The following ULK4 variants were observed in gnomAD, a reference collection of about 807,000 sequenced individuals.
ULK4 encodes the protein unc-51 like kinase 4.
In ULK4, 133 loss-of-function variants were observed where a neutral mutation model predicts 160.6. The observed-to-expected ratio is 0.83, with a 90% CI of 0.72 to 0.96. The LOEUF (loss-of-function observed/expected upper bound fraction) is 0.96, where lower values mean the gene tolerates loss of function less well. ULK4 is among the 40% of genes least tolerant of loss of function. The pLI is 0.00. For missense variants in ULK4, 1,580 were observed against 1,499.5 expected (o/e 1.05, Z -0.89); for synonymous variants, 534 against 539.8 (o/e 0.99, Z 0.15).
chr3:41,591,759 T>C (rs1222319560), intron 31 of ULK4, among the ~76,000 whole-genome samples: 1 of 152,222 alleles, frequency 6.6e-6, no homozygotes, highest in Non-Finnish European at 1.5e-5. Context: ...TGGTAAATAT[T>C]TGGCCATAAG....
intron 31 of ULK4, among the ~76,000 whole-genome samples, chr3:41,582,773 T>C (rs73085063): frequency 0.023 from 3,530 of 152,372 alleles, 57 homozygotes; most frequent in Non-Finnish European, 0.034. Flanking sequence ...ACTACTCCTA[T>C]TTCTCAAGTG....
chr3:41,539,073 TTGTC>T (rs1341100589), intron 32 of ULK4, among the ~76,000 whole-genome samples: 10 of 151,596 alleles, frequency 6.6e-5, no homozygotes, highest in African/African-American at 1.7e-4. Context: ...GCTATATGGT[TTGTC>T]TGTGAGTTTT....
In ULK4 at chr3:41,450,299, T is replaced by G. The variant is rs142251960; in HGVS notation, c.3492+5198A>C. Among the ~76,000 whole-genome samples the G allele has an allele frequency of 4.4e-3, 672 of 152,296 alleles. 4 individuals are homozygous for G. Among genetic ancestry groups the G allele is most frequent in the African/African-American group, 0.016 (645 of 41,568 alleles). Reference sequence around the variant, plus strand: ...TATACTATGGTTACCAACTGAGGGTTTGAAGTTCCCCCTGAAATTGAGAAC... The same window carrying G: ...TATACTATGGTTACCAACTGAGGGTGTGAAGTTCCCCCTGAAATTGAGAAC... On this transcript the variant is annotated intron_variant, in intron 34 of 36. Coordinates refer to ENST00000301831, the MANE Select transcript of ULK4 (RefSeq NM_017886.4).
At chr3:41,845,062 T>C (rs1357405788) in intron 17 of ULK4, among the ~76,000 whole-genome samples, 2 of 150,228 alleles carry the variant, frequency 1.3e-5, no homozygotes, top group Admixed American at 1.3e-4. Context: ...GCTTCCCGGG[T>C]TCATGCCATT....
At chr3:41,886,405 AACTG>A (rs1452457336) in intron 16 of ULK4, among the ~76,000 whole-genome samples, 1 of 152,148 alleles carries the variant, frequency 6.6e-6, no homozygotes, top group Non-Finnish European at 1.5e-5. Flanking sequence ...AAAGCAAAAT[AACTG>A]AACACACTAG....
intron 8 of ULK4, among the ~76,000 whole-genome samples, chr3:41,913,356 G>T (rs1416841300): frequency 5.9e-5 from 9 of 151,796 alleles, no homozygotes; most frequent in African/African-American, 2.2e-4. Flanking sequence ...CTCCCGAGTG[G>T]CTGGGACTAC....
chr3:41,807,740 A>G (rs2040693322), intron 19 of ULK4, among the ~76,000 whole-genome samples: 1 of 152,148 alleles, frequency 6.6e-6, no homozygotes, highest in African/African-American at 2.4e-5. Flanking sequence ...ATATCCTTCA[A>G]TTTCCCAAAC....
At chr3:41,948,116 T>G (rs1278973780) in intron 2 of ULK4, among the ~76,000 whole-genome samples, 10 of 152,176 alleles carry the variant, frequency 6.6e-5, no homozygotes, top group Admixed American at 6.6e-4. Flanking sequence ...TCTCTATGTA[T>G]TTCTTGTTCC....
intron 35 of ULK4, among the ~76,000 whole-genome samples, chr3:41,366,795 T>C (rs186941881): frequency 6.6e-6 from 1 of 152,318 alleles, no homozygotes; most frequent in African/African-American, 2.4e-5. Flanking sequence ...CTTCTCTCTA[T>C]GCTGGGAGGG....
At chr3:41,323,391 AACACACACACACACACACACAC>A (rs34357899) in intron 35 of ULK4, among the ~76,000 whole-genome samples, 12 of 120,266 alleles carry the variant, frequency 1.0e-4, no homozygotes, top group Admixed American at 1.8e-4. Context: ...CCTGAACAAT[AACACACACACACACACACACAC>A]ACACACACAC....
rs527508473 is a variant in ULK4 at position 41,451,446 on chromosome 3, T to C, written c.3492+4051A>G. 2.0e-5 allele frequency among the ~76,000 whole-genome samples: 3 copies of C among 151,720 alleles called. No homozygotes were observed. The South Asian group carries it at 6.2e-4, about 32-fold the overall frequency. On this transcript the variant is annotated intron_variant, in intron 34 of 36. Transcript: ENST00000301831. ...AGCAAGCAGAGGATAAGGCTAAAAA[T>C]CAGACATAATATGTGATCAAAGGGG... is the stretch of plus-strand genomic sequence containing the variant.
chr3:41,358,155 C>A (rs909910730), intron 35 of ULK4, among the ~76,000 whole-genome samples: 7 of 152,240 alleles, frequency 4.6e-5, no homozygotes, highest in African/African-American at 1.7e-4. Flanking sequence ...GGCAAACACA[C>A]CACAATGGAG....
At chr3:41,819,559 T>C (rs1437491338) in intron 18 of ULK4, 53 bp from the exon 19 acceptor site, 9 of 1,545,076 alleles carry the variant, frequency 5.8e-6, no homozygotes, top group South Asian at 4.6e-5. Context: ...ACGAAAGATA[T>C]TAACCCATTC....
intron 32 of ULK4, among the ~76,000 whole-genome samples, chr3:41,559,824 C>T (rs1038970753): frequency 2.6e-5 from 4 of 152,040 alleles, no homozygotes; most frequent in Non-Finnish European, 5.9e-5. Flanking sequence ...TCTGTAGTTG[C>T]CTATTCACAC....
intron 21 of ULK4, among the ~76,000 whole-genome samples, chr3:41,780,805 A>C (rs546654925): frequency 2.0e-5 from 3 of 152,294 alleles, no homozygotes; most frequent in South Asian, 2.1e-4. Context: ...GCAATTTACC[A>C]ATCAGGGGCC....
At position 41,415,529 on chromosome 3, in the gene ULK4, G is replaced by A. The variant is rs115016608; in HGVS notation, c.3493-17265C>T. Among the ~76,000 whole-genome samples, 907 of 152,158 alleles carry A rather than the reference G, an allele frequency of 6.0e-3. 9 individuals carry two copies. Among genetic ancestry groups the A allele is most frequent in the African/African-American group, 0.021 (865 of 41,528 alleles). On this transcript the variant is annotated intron_variant, in intron 34 of 36. Transcript: ENST00000301831. Reference sequence around the variant, plus strand: ...CTCTAAACTTATCAAGCACGGTGCCGCTCAGGGTATTTGCATCTGCAATCT... The same window carrying A: ...CTCTAAACTTATCAAGCACGGTGCCACTCAGGGTATTTGCATCTGCAATCT...
intron 32 of ULK4, among the ~76,000 whole-genome samples, chr3:41,512,394 T>C (rs1459782956): frequency 1.3e-5 from 2 of 152,182 alleles, no homozygotes; most frequent in Non-Finnish European, 2.9e-5. Flanking sequence ...TCTAAAATGC[T>C]CCTAGAACTG....
intron 20 of ULK4, among the ~76,000 whole-genome samples, chr3:41,799,347 T>G (rs184816583): frequency 1.3e-5 from 2 of 152,306 alleles, no homozygotes; most frequent in African/African-American, 4.8e-5. Flanking sequence ...CACGTTATTA[T>G]AGCCATGTGA....
At position 41,821,072 on chromosome 3, in the gene ULK4, T is replaced by C. The variant is rs115734741; in HGVS notation, c.1765-1566A>G. 2.4e-3 allele frequency among the ~76,000 whole-genome samples: 369 copies of C among 152,304 alleles called. 1 individual carries two copies. Among genetic ancestry groups the C allele is most frequent in the African/African-American group, 7.9e-3 (329 of 41,564 alleles). ...TCTGTGCCCTCTCCCTTGGCCCTTCTTTCCCTCAACAGATCACCTACTTCA... is the reference window on the plus strand; with the variant it reads ...TCTGTGCCCTCTCCCTTGGCCCTTCCTTCCCTCAACAGATCACCTACTTCA... On this transcript the variant is annotated intron_variant, in intron 18 of 36. Coordinates refer to ENST00000301831, the MANE Select transcript of ULK4 (RefSeq NM_017886.4).
Sources: gnomAD v4.1 joint callset for allele counts (sites outside exome capture counted in the v4.1 genomes callset) on GRCh38, gnomAD v4.1.1 for gene constraint, MANE v1.5 for transcripts, NCBI Gene and HGNC (gene_info 2026-07-23, HGNC 2026-07-21) for gene names.